Variants in FHIT observed in about 807,000 individuals in gnomAD.
FHIT encodes the protein fragile histidine triad diadenosine triphosphatase.
Under a neutral mutation model 17.9 loss-of-function variants are expected in FHIT, and 19 were observed. That is an observed-to-expected ratio of 1.06 (90% confidence interval 0.74 to 1.56). The LOEUF is 1.56. Ranked by LOEUF, FHIT falls within the 40% of genes most tolerant of loss-of-function variation. The pLI, the probability that FHIT is intolerant of heterozygous loss-of-function variation, is 0.00. For missense variants in FHIT, 248 were observed against 189.2 expected, an observed-to-expected ratio of 1.31 and a Z score of -1.82; for synonymous variants, 81 against 69.7, an observed-to-expected ratio of 1.16 and a Z score of -0.81.
chr3:59,992,025 G>A (rs1198335035), intron 7 of FHIT, among the ~76,000 whole-genome samples: 3 of 152,054 alleles, frequency 2.0e-5, no homozygotes, highest in African/African-American at 7.2e-5. Context: ...GGGAAGAGGA[G>A]ATGAGGAAGA....
chr3:61,143,975 T>G (rs548028659), intron 2 of FHIT, among the ~76,000 whole-genome samples: 1 of 152,356 alleles, frequency 6.6e-6, no homozygotes, highest in East Asian at 1.9e-4. Context: ...AGGCAATTAT[T>G]GTCATGCTAA....
chr3:60,262,614 T>TAC (rs1228022583), intron 5 of FHIT, among the ~76,000 whole-genome samples: 7 of 152,078 alleles, frequency 4.6e-5, no homozygotes, highest in African/African-American at 1.7e-4. Context: ...CAACCCTTTT[T>TAC]ACCTCTAGCC....
At chr3:60,090,156 T>C (rs1046087534) in intron 5 of FHIT, among the ~76,000 whole-genome samples, 4 of 152,018 alleles carry the variant, frequency 2.6e-5, no homozygotes, top group African/African-American at 4.8e-5. Flanking sequence ...CGTACATCAA[T>C]GGTCTACATG....
At chr3:59,792,883 G>T (rs1252859237) in intron 8 of FHIT, among the ~76,000 whole-genome samples, 1 of 139,318 alleles carries the variant, frequency 7.2e-6, no homozygotes. Context: ...GGGGGGGGGG[G>T]TCATGAACCT....
At chr3:61,145,320 G>A (rs2037195016) in intron 2 of FHIT, among the ~76,000 whole-genome samples, 1 of 152,030 alleles carries the variant, frequency 6.6e-6, no homozygotes, top group South Asian at 2.1e-4. Flanking sequence ...AATTGTCTTG[G>A]TTCTTTAGTT....
intron 5 of FHIT, among the ~76,000 whole-genome samples, chr3:60,183,261 G>A (rs555829989): frequency 1.3e-5 from 2 of 151,850 alleles, no homozygotes; most frequent in African/African-American, 4.8e-5. Flanking sequence ...AGCTAGGTGT[G>A]GTGGTGCATG....
chr3:60,043,954 G>A (rs759079657), intron 5 of FHIT, among the ~76,000 whole-genome samples: 6 of 152,146 alleles, frequency 3.9e-5, no homozygotes, highest in African/African-American at 7.2e-5. Flanking sequence ...ACAGGCCAAC[G>A]TGGTGAGTGA....
At chr3:60,656,247 C>G (rs1253788257) in intron 4 of FHIT, among the ~76,000 whole-genome samples, 2 of 152,170 alleles carry the variant, frequency 1.3e-5, no homozygotes, top group East Asian at 1.9e-4. Flanking sequence ...CTCTTCACCC[C>G]AAATTCCTAT....
chr3:61,150,378 G>C (rs1054189631), intron 2 of FHIT, among the ~76,000 whole-genome samples: 1 of 151,880 alleles, frequency 6.6e-6, no homozygotes, highest in African/African-American at 2.4e-5. Context: ...GCCCAGGCTG[G>C]TCTGGTCTCC....
chr3:60,560,421 A>T (rs2036895551), intron 4 of FHIT, among the ~76,000 whole-genome samples: 1 of 152,038 alleles, frequency 6.6e-6, no homozygotes, highest in South Asian at 2.1e-4. Context: ...CTAAGCAGCC[A>T]GGTGGTAGGC....
chr3:60,508,399 C>G (rs1282389742), intron 5 of FHIT, among the ~76,000 whole-genome samples: 2 of 152,056 alleles, frequency 1.3e-5, no homozygotes, highest in African/African-American at 4.8e-5. Flanking sequence ...TTGAAAATAA[C>G]CCATAATGGT....
chr3:61,154,498 C>A (rs2107064822), intron 2 of FHIT, among the ~76,000 whole-genome samples: 1 of 152,230 alleles, frequency 6.6e-6, no homozygotes, highest in South Asian at 2.1e-4. Context: ...CTTCTGCCTG[C>A]AGTAGCCTTC....
intron 5 of FHIT, among the ~76,000 whole-genome samples, chr3:60,256,098 C>G (rs892613852): frequency 2.0e-5 from 3 of 152,174 alleles, no homozygotes; most frequent in African/African-American, 7.2e-5. Flanking sequence ...TCTGTAACCT[C>G]CATTGATCTT....
intron 5 of FHIT, among the ~76,000 whole-genome samples, chr3:60,124,065 G>GAT (rs1319174518): frequency 9.2e-6 from 1 of 108,274 alleles, no homozygotes; most frequent in Non-Finnish European, 1.9e-5. Context: ...GACAGAGAGA[G>GAT]AGAGAGATAC....
intron 3 of FHIT, among the ~76,000 whole-genome samples, chr3:60,842,645 A>ATAT (rs1396703397): frequency 1.1e-5 from 1 of 94,592 alleles, no homozygotes; most frequent in Non-Finnish European, 2.2e-5. Flanking sequence ...ATATATATAT[A>ATAT]TTTTTTTTTT....
At chr3:60,016,292 A>G (rs1204620071) in intron 5 of FHIT, among the ~76,000 whole-genome samples, 1 of 152,184 alleles carries the variant, frequency 6.6e-6, no homozygotes, top group Non-Finnish European at 1.5e-5. Context: ...GAGTTTTTTT[A>G]GCAATAATAT....
rs192568372 is a variant in FHIT, at chr3:59,932,250, A to G, written c.280-9836T>C. 3.7e-4 allele frequency among the ~76,000 whole-genome samples: 56 copies of G among 151,590 alleles called. No homozygotes were observed. In the East Asian group the frequency reaches 8.3e-3, roughly 23 times the overall value. On this transcript the variant is annotated intron_variant, in intron 7 of 9. Coordinates refer to ENST00000492590, the MANE Select transcript of FHIT (RefSeq NM_002012.4). ...TAAAATGCTGTGATAGGCACTGGAT[A>G]AACCCAGGAGAAGTTATTTTTTATT...
intron 3 of FHIT, among the ~76,000 whole-genome samples, chr3:60,840,925 A>G (rs1553744922): frequency 6.6e-6 from 1 of 152,268 alleles, no homozygotes; most frequent in Non-Finnish European, 1.5e-5. Context: ...ATGCAATTAT[A>G]TGAGTTAGTA....
At chr3:60,540,028 AG>A (rs1312123932) in intron 4 of FHIT, among the ~76,000 whole-genome samples, 2 of 151,990 alleles carry the variant, frequency 1.3e-5, no homozygotes, top group Non-Finnish European at 2.9e-5. Context: ...CAGAACATTC[AG>A]CCCCACTCCT....
Sources: allele counts gnomAD v4.1 joint callset (sites outside exome capture counted in the v4.1 genomes callset), GRCh38; gene constraint gnomAD v4.1.1; transcripts MANE v1.5; gene names NCBI Gene and HGNC (gene_info 2026-07-23, HGNC 2026-07-21).